STARD13: variants seen among roughly 807,000 people sequenced by gnomAD.
The protein encoded by STARD13 is StAR related lipid transfer domain containing 13, also known as stAR-related lipid transfer protein 13.
Under a neutral mutation model 106.4 loss-of-function variants are expected in STARD13, and 62 were observed. That is an observed-to-expected ratio of 0.58 (90% CI 0.48 to 0.72). The LOEUF (loss-of-function observed/expected upper bound fraction) is 0.72, where lower values mean the gene tolerates loss of function less well. Among genes scored for constraint, STARD13 ranks in the 30% least tolerant of loss-of-function variants. STARD13 has a pLI of 0.00. For synonymous variants in STARD13, 565 were observed against 553.0 expected (o/e 1.02, Z -0.31); for missense variants, 1,387 against 1,424.0 (o/e 0.97, Z 0.42).
rs1893150018 is a variant in STARD13 at position 33,311,898 on chromosome 13, A to G, written c.124+38392T>C. Among the ~76,000 whole-genome samples, 3 of 152,202 alleles carry G rather than the reference A, an allele frequency of 2.0e-5. No homozygotes were observed. In the South Asian group the frequency reaches 6.2e-4, roughly 31 times the overall value. ...TTTTCTTGCATGTGGATTATCCAGTAAGTTCTATGTTAAAGCAGGGGGCAG... is the reference window on the plus strand; with the variant it reads ...TTTTCTTGCATGTGGATTATCCAGTGAGTTCTATGTTAAAGCAGGGGGCAG... On this transcript the variant is annotated intron_variant, in intron 1 of 5. Transcript: ENST00000567873.
the STARD13 span, among the ~76,000 whole-genome samples, chr13:33,617,016 G>A: frequency 6.6e-6 from 1 of 152,206 alleles, no homozygotes; most frequent in Non-Finnish European, 1.5e-5. Flanking sequence ...CTGTCAACAG[G>A]TGGAACAGCA....
chr13:33,650,399 C>T, the STARD13 span, among the ~76,000 whole-genome samples: 1 of 150,910 alleles, frequency 6.6e-6, no homozygotes, highest in African/African-American at 2.4e-5. Flanking sequence ...ACCGTTTTAG[C>T]CGGGATGGTC....
chr13:33,395,867 G>A, the STARD13 span, among the ~76,000 whole-genome samples: 46 of 152,026 alleles, frequency 3.0e-4, no homozygotes, highest in East Asian at 8.5e-3. Context: ...TTAAAGACGG[G>A]GGTCTCATCT....
the STARD13 span, among the ~76,000 whole-genome samples, chr13:33,452,156 C>T: frequency 6.6e-6 from 1 of 152,014 alleles, no homozygotes; most frequent in Non-Finnish European, 1.5e-5. Context: ...TACAAGGGAA[C>T]AGGATTTCTG....
At chr13:33,635,270 G>A in the STARD13 span, among the ~76,000 whole-genome samples, 3 of 102,544 alleles carry the variant, frequency 2.9e-5, no homozygotes, top group South Asian at 4.3e-4. Flanking sequence ...TTAAAATCCC[G>A]TTTCTAACAT....
rs1180790484 is a variant in STARD13 at position 33,126,213 on chromosome 13, C to T, written c.1950G>A (p.Met650Ile). Residue 650 changes from methionine (M) to isoleucine (I), a missense_variant, in exon 7 of 14, where the codon ATG becomes ATA. Coordinates refer to ENST00000336934, the MANE Select transcript of STARD13 (RefSeq NM_178006.4). ...CCTTGTCTTTGTAGTCGGGAACTTT[C>T]ATCCTCTTCATGAACTTTGGAACTG... ...TWSVPKFMKR[M>I]KVPDYKDKAV... The T allele has an allele frequency of 1.2e-6, 2 of 1,614,170 alleles. No individual in the cohort carries two copies. Among genetic ancestry groups the T allele is most frequent in the Admixed American group, 1.7e-5 (1 of 60,022 alleles).
chr13:33,519,764 G>A, the STARD13 span, among the ~76,000 whole-genome samples: 18 of 152,060 alleles, frequency 1.2e-4, no homozygotes, highest in Non-Finnish European at 2.2e-4. Flanking sequence ...GAGAGACCTT[G>A]AAACATTAGG....
intron 1 of STARD13, among the ~76,000 whole-genome samples, chr13:33,192,770 C>G (rs9569002): frequency 6.6e-6 from 1 of 152,034 alleles, no homozygotes; most frequent in South Asian, 2.1e-4. Context: ...TGGTGGTGCA[C>G]GCCTGTAATC....
chr13:33,385,235 A>ATG, the STARD13 span, among the ~76,000 whole-genome samples: 1 of 122,692 alleles, frequency 8.2e-6, no homozygotes, highest in Non-Finnish European at 1.7e-5. Context: ...ATATATATAT[A>ATG]TATATATATA....
In STARD13 at chr13:33,109,974, C is replaced by T. The variant is rs1204796507; in HGVS notation, c.2946G>A (p.Val982=). 1.2e-6 allele frequency: 2 copies of T among 1,614,248 alleles called. No individual in the cohort carries two copies. The highest frequency in any genetic ancestry group is 1.7e-5 in the Admixed American group (1 of 60,024). The stretch of plus-strand genomic sequence containing the variant: ...CTAGAGTTTCCACAACCTTCCACTG[C>T]ACAAAGTCCTCGTCCCACAGGTGGC... ...RERHLWDEDF[V]QWKVVETLDR... is the part of the protein sequence containing the mutation. Residue 982 remains valine, a synonymous_variant, in exon 12 of 14, where the codon GTG becomes GTA. Coordinates refer to ENST00000336934, the MANE Select transcript of STARD13 (RefSeq NM_178006.4).
chr13:33,273,756 T>C (rs190544948), intron 1 of STARD13, among the ~76,000 whole-genome samples: 62 of 152,364 alleles, frequency 4.1e-4, no homozygotes, highest in Middle Eastern at 3.4e-3. Flanking sequence ...TTAGAAAATT[T>C]ACATGCATTG....
the STARD13 span, among the ~76,000 whole-genome samples, chr13:33,454,459 C>T: frequency 2.6e-5 from 4 of 152,208 alleles, no homozygotes; most frequent in African/African-American, 9.7e-5. Context: ...CATGAACTAA[C>T]ATATTCATCC....
At chr13:33,615,585 C>G in the STARD13 span, among the ~76,000 whole-genome samples, 5 of 152,166 alleles carry the variant, frequency 3.3e-5, no homozygotes, top group African/African-American at 1.2e-4. Context: ...AGATGGAACA[C>G]CCCACCTGTT....
the STARD13 span, among the ~76,000 whole-genome samples, chr13:33,462,077 G>C: frequency 6.6e-6 from 1 of 152,052 alleles, no homozygotes; most frequent in East Asian, 1.9e-4. Context: ...CACAAACCCT[G>C]CACTCCGCCC....
chr13:33,502,083 G>A, the STARD13 span, among the ~76,000 whole-genome samples: 261 of 152,076 alleles, frequency 1.7e-3, 3 homozygotes, highest in Non-Finnish European at 4.7e-4. Context: ...GTAGTTCTCC[G>A]TGAAGAGGTC....
chr13:33,380,160 C>T, the STARD13 span, among the ~76,000 whole-genome samples: 7 of 152,010 alleles, frequency 4.6e-5, no homozygotes, highest in East Asian at 1.9e-4. Context: ...CTGAGGTGGG[C>T]GGATCACCTG....
the STARD13 span, among the ~76,000 whole-genome samples, chr13:33,470,392 A>T: frequency 6.6e-6 from 1 of 152,322 alleles, no homozygotes; most frequent in African/African-American, 2.4e-5. Context: ...ATAAGTGTGC[A>T]TGTGTCTTTA....
At chr13:33,667,830 C>T in the STARD13 span, among the ~76,000 whole-genome samples, 3,067 of 152,336 alleles carry the variant, frequency 0.02, 115 homozygotes, top group African/African-American at 0.071. Context: ...AAGCTGCCTC[C>T]TTACATATCT....
At chr13:33,580,174 T>G in the STARD13 span, among the ~76,000 whole-genome samples, 206 of 152,240 alleles carry the variant, frequency 1.4e-3, 1 homozygote, top group African/African-American at 4.4e-3. Flanking sequence ...TGTCCTTCAG[T>G]AGGTGAATTA....
Sources: gnomAD v4.1 joint callset for allele counts (sites outside exome capture counted in the v4.1 genomes callset) on GRCh38, gnomAD v4.1.1 for gene constraint, MANE v1.5 for transcripts, NCBI Gene and HGNC (gene_info 2026-07-23, HGNC 2026-07-21) for gene names.